The following SOX5 variants were observed in gnomAD, a reference collection of about 807,000 sequenced individuals.
SOX5 encodes the protein SRY-box transcription factor 5.
In SOX5, 9 loss-of-function variants were observed where a neutral mutation model predicts 92.0. The observed-to-expected ratio is 0.10, with a 90% CI of 0.06 to 0.17. The LOEUF (loss-of-function observed/expected upper bound fraction) is 0.17. Among genes scored for constraint, SOX5 ranks in the 10% least tolerant of loss-of-function variants. SOX5 has a pLI of 1.00. For synonymous variants in SOX5, 344 were observed against 336.3 expected (o/e 1.02, Z -0.25); for missense variants, 642 against 944.5 (o/e 0.68, Z 4.20).
chr12:23,770,926 G>A (rs575991518), intron 3 of SOX5, among the ~76,000 whole-genome samples: 9 of 149,156 alleles, frequency 6.0e-5, no homozygotes, highest in Non-Finnish European at 1.2e-4. Flanking sequence ...ATACATAACA[G>A]GTTTATAAAC....
intron 6 of SOX5, among the ~76,000 whole-genome samples, chr12:23,713,352 T>A (rs1379844406): frequency 1.3e-5 from 2 of 152,150 alleles, no homozygotes; most frequent in Non-Finnish European, 2.9e-5. Context: ...AAATTTCACT[T>A]GTTGTAAGCC....
intron 2 of SOX5, among the ~76,000 whole-genome samples, chr12:23,888,264 A>G (rs774230676): frequency 6.6e-6 from 1 of 152,090 alleles, no homozygotes; most frequent in Admixed American, 6.5e-5. Flanking sequence ...CATTAGACCA[A>G]ATCTTTTCAG....
At chr12:23,941,915 A>G (rs574725965) in intron 1 of SOX5, among the ~76,000 whole-genome samples, 120 of 149,154 alleles carry the variant, frequency 8.0e-4, no homozygotes, top group African/African-American at 2.8e-3. Flanking sequence ...CTTTTCAAAC[A>G]TATTATGAAA....
intron 2 of SOX5, among the ~76,000 whole-genome samples, chr12:24,318,512 T>C (rs930279716): frequency 2.0e-5 from 3 of 152,200 alleles, no homozygotes; most frequent in Admixed American, 6.5e-5. Flanking sequence ...TCAGGATCTT[T>C]TGAACAGAGA....
intron 9 of SOX5, among the ~76,000 whole-genome samples, chr12:23,586,711 T>C (rs1002291772): frequency 1.3e-5 from 2 of 151,768 alleles, no homozygotes; most frequent in African/African-American, 4.8e-5. Flanking sequence ...TGTTGGAAGA[T>C]TAAGTCTCAA....
chr12:24,023,753 A>G (rs755017910), intron 4 of SOX5, among the ~76,000 whole-genome samples: 1 of 152,046 alleles, frequency 6.6e-6, no homozygotes, highest in African/African-American at 2.4e-5. Context: ...TTATTTGTCT[A>G]TTTTATTTAT....
chr12:24,409,701 A>G (rs1197352886), intron 1 of SOX5, among the ~76,000 whole-genome samples: 2 of 152,096 alleles, frequency 1.3e-5, no homozygotes, highest in African/African-American at 2.4e-5. Flanking sequence ...TCAGCATTTG[A>G]TATTGTCACT....
At chr12:24,032,285 A>C (rs1251738603) in intron 4 of SOX5, among the ~76,000 whole-genome samples, 1 of 151,976 alleles carries the variant, frequency 6.6e-6, no homozygotes, top group African/African-American at 2.4e-5. Flanking sequence ...AAAAGGTATC[A>C]TTACAAATAT....
At chr12:23,878,982 C>T (rs1298941927) in intron 2 of SOX5, among the ~76,000 whole-genome samples, 1 of 152,096 alleles carries the variant, frequency 6.6e-6, no homozygotes, top group Non-Finnish European at 1.5e-5. Context: ...CCAGAATCTT[C>T]TCCTGTTTAT....
chr12:24,202,085 A>G (rs1407483660), intron 4 of SOX5, among the ~76,000 whole-genome samples: 1 of 152,166 alleles, frequency 6.6e-6, no homozygotes, highest in Non-Finnish European at 1.5e-5. Flanking sequence ...CTAGATCATT[A>G]TTTCTATGTT....
chr12:23,533,642 A>G lies in SOX5; in HGVS notation c.*577T>C, dbSNP rs1314193444. ...CCCTCATGCACAGACTTCCATCTTT[A>G]AAGTAGAGAGATGGAGAAGGTGGAG... On this transcript the variant is annotated 3_prime_UTR_variant, in exon 15 of 15. Transcript: ENST00000451604. 6.5e-6 allele frequency: 1 copy of G among 153,022 alleles called. No homozygotes were observed. Among genetic ancestry groups the G allele is most frequent in the Admixed American group, 6.5e-5 (1 of 15,330 alleles). The allele number at this position is 153,022 out of a possible 1,614,324, so 9.5% of individuals were successfully genotyped here. A position where few individuals can be genotyped will look rare whatever the true frequency, so the allele number is the denominator to read the frequency against.
chr12:24,363,960 C>A (rs1185769294), intron 2 of SOX5, among the ~76,000 whole-genome samples: 5 of 152,176 alleles, frequency 3.3e-5, no homozygotes, highest in African/African-American at 1.2e-4. Context: ...AAACAGAAAA[C>A]CTTCAGGCCC....
intron 4 of SOX5, among the ~76,000 whole-genome samples, chr12:24,185,639 T>C (rs764310515): frequency 3.9e-4 from 59 of 152,256 alleles, no homozygotes; most frequent in Non-Finnish European, 6.5e-4. Context: ...ACTACCTGTG[T>C]GTCCTTCACA....
At chr12:24,165,167 A>C (rs1470386502) in intron 4 of SOX5, among the ~76,000 whole-genome samples, 1 of 152,118 alleles carries the variant, frequency 6.6e-6, no homozygotes. Context: ...GTGAGGTAAA[A>C]TAATACCTAT....
intron 4 of SOX5, among the ~76,000 whole-genome samples, chr12:24,134,038 T>G (rs1013680066): frequency 6.6e-6 from 1 of 152,214 alleles, no homozygotes; most frequent in Non-Finnish European, 1.5e-5. Context: ...GGAACACCTC[T>G]TCTTGTGAAT....
chr12:24,070,165 G>T (rs1941532859), intron 4 of SOX5, among the ~76,000 whole-genome samples: 1 of 152,148 alleles, frequency 6.6e-6, no homozygotes. Flanking sequence ...TGTAACAAAA[G>T]ATGCCTTTCT....
chr12:23,718,396 C>A (rs936311871), intron 6 of SOX5, among the ~76,000 whole-genome samples: 1 of 152,166 alleles, frequency 6.6e-6, no homozygotes, highest in Non-Finnish European at 1.5e-5. Flanking sequence ...GACCACACTT[C>A]CTATCTTAAT....
intron 4 of SOX5, among the ~76,000 whole-genome samples, chr12:24,010,861 C>G (rs534586121): frequency 2.0e-5 from 3 of 151,992 alleles, no homozygotes; most frequent in Non-Finnish European, 4.4e-5. Context: ...ATTGCTTGAA[C>G]CTGGGAGGCA....
At chr12:24,279,330 G>A (rs1175181587) in intron 2 of SOX5, among the ~76,000 whole-genome samples, 1 of 152,016 alleles carries the variant, frequency 6.6e-6, no homozygotes, top group East Asian at 1.9e-4. Context: ...TTTTTAGGTG[G>A]TAGTAACATT....
Sources: gnomAD v4.1 joint callset for allele counts (sites outside exome capture counted in the v4.1 genomes callset) on GRCh38, gnomAD v4.1.1 for gene constraint, MANE v1.5 for transcripts, NCBI Gene and HGNC (gene_info 2026-07-23, HGNC 2026-07-21) for gene names.